The following C11orf65 variants were observed in gnomAD, a reference collection of about 807,000 sequenced individuals.
C11orf65 encodes the protein protein MFI.
C11orf65 carries 38 observed loss-of-function variants against 35.3 expected under a neutral mutation model. The ratio of observed to expected loss-of-function variants is 1.08; its 90% CI spans 0.83 to 1.41. The LOEUF (loss-of-function observed/expected upper bound fraction) is 1.41, where lower values mean the gene tolerates loss of function less well. C11orf65 is among the 40% of genes most tolerant of loss of function. The pLI, the probability that C11orf65 is intolerant of heterozygous loss-of-function variation, is 0.00. For synonymous variants in C11orf65, 105 were observed against 114.4 expected (o/e 0.92, Z 0.53); for missense variants, 370 against 367.1 (o/e 1.01, Z -0.06).
At chr11:108,461,120 G>A (rs2093468990) in intron 2 of C11orf65, among the ~76,000 whole-genome samples, 1 of 152,166 alleles carries the variant, frequency 6.6e-6, no homozygotes, top group Admixed American at 6.6e-5. Context: ...GTATTGAACT[G>A]GCTGGGTGCA....
At chr11:108,437,532 C>A (rs1369939879) in intron 2 of C11orf65, among the ~76,000 whole-genome samples, 1 of 151,368 alleles carries the variant, frequency 6.6e-6, no homozygotes, top group Non-Finnish European at 1.5e-5. Context: ...GGTGAAACCC[C>A]GTCTCTACTA....
At chr11:108,369,978 A>G (rs2091508735) in intron 2 of C11orf65, among the ~76,000 whole-genome samples, 1 of 152,124 alleles carries the variant, frequency 6.6e-6, no homozygotes, top group Admixed American at 6.5e-5. Context: ...GTAACATCTT[A>G]GCTAACATCT....
At position 108,325,532 on chromosome 11, in the gene C11orf65, C is replaced by G. The variant is rs3218699; in HGVS notation, c.641-16461G>C. 1 of 1,601,744 alleles carries G rather than the reference C, an allele frequency of 6.2e-7. No homozygotes were observed. Among genetic ancestry groups the G allele is most frequent in the Non-Finnish European group, 8.5e-7 (1 of 1,170,898 alleles). The stretch of plus-strand genomic sequence containing the variant: ...AACTCTCTATACTGGCCAGAACTTT[C>G]AAGAACACTCAGGTAAATACAATTT... On this transcript the variant is annotated intron_variant, in intron 6 of 6. Coordinates refer to the C11orf65 transcript ENST00000525729.
intron 3 of C11orf65, among the ~76,000 whole-genome samples, chr11:108,423,941 A>G (rs1387756191): frequency 6.6e-6 from 1 of 152,202 alleles, no homozygotes; most frequent in Admixed American, 6.5e-5. Flanking sequence ...GAAAACCACA[A>G]AGATGAGGAA....
Position 108,434,155 on chromosome 11 carries a change from T to C in C11orf65, c.82-2317A>G, listed in dbSNP as rs193091778. ...CTTGGAATCAGTCAGCCTTTCCCCC[T>C]AGCCACTGCTATCCTTGCACTATGT... is the stretch of plus-strand genomic sequence containing the variant. On this transcript the variant is annotated intron_variant, in intron 2 of 8. Transcript: ENST00000393084. Among the ~76,000 whole-genome samples, 69 of 152,212 alleles carry C rather than the reference T, an allele frequency of 4.5e-4. 1 individual carries two copies. Among genetic ancestry groups the C allele is most frequent in the Admixed American group, 2.0e-3 (30 of 15,270 alleles).
intron 2 of C11orf65, chr11:108,353,632 AACT>A: frequency 1.4e-6 from 1 of 722,092 alleles, no homozygotes; most frequent in Non-Finnish European, 2.5e-6. Flanking sequence ...AGCAGAAGTA[AACT>A]ACTGTACATA....
At chr11:108,415,623 G>A (rs769051204) in intron 3 of C11orf65, among the ~76,000 whole-genome samples, 2 of 152,114 alleles carry the variant, frequency 1.3e-5, no homozygotes, top group Middle Eastern at 3.2e-3. Flanking sequence ...TAAATTTTAA[G>A]TGGAAAGGCA....
chr11:108,398,845 G>A (rs1000978275), intron 6 of C11orf65, among the ~76,000 whole-genome samples: 22 of 152,230 alleles, frequency 1.4e-4, no homozygotes, highest in South Asian at 2.1e-4. Context: ...AGGTGTTGTT[G>A]CCAGAAGTAA....
chr11:108,388,669 T>C (rs2092075081), intron 7 of C11orf65, among the ~76,000 whole-genome samples: 1 of 152,246 alleles, frequency 6.6e-6, no homozygotes, highest in Non-Finnish European at 1.5e-5. Context: ...TTAATAGGTA[T>C]GTCAAAATTC....
At chr11:108,392,838 C>G (rs1019746839) in intron 7 of C11orf65, among the ~76,000 whole-genome samples, 1 of 152,130 alleles carries the variant, frequency 6.6e-6, no homozygotes, top group African/African-American at 2.4e-5. Context: ...TCACTGAAAA[C>G]TTATAACATT....
rs899865706 is a variant in C11orf65, at chr11:108,383,071, G to A, written c.892C>T (p.Gln298Ter). Reference protein sequence around the residue: ...PDDTYYENVYQEPNVTRLTPD... With the variant: ...PDDTYYENVY ...GTTAATCTAGTTACATTTGGTTCTT[G>A]ATAAACATTTTCATAGTAAGTATCA... Residue 298 changes from glutamine (Q) to a stop codon, truncating the protein, a stop_gained, in exon 9 of 9, where the codon CAA becomes TAA. Coordinates refer to ENST00000393084, the MANE Select transcript of C11orf65 (RefSeq NM_152587.5). LOFTEE classifies it low-confidence loss of function (END_TRUNC). 5.0e-6 allele frequency: 8 copies of A among 1,611,740 alleles called. No individual in the cohort carries two copies. The highest frequency in any genetic ancestry group is 1.7e-5 in the Admixed American group (1 of 59,516).
intron 6 of C11orf65, 135 bp downstream of exon 6, chr11:108,405,294 T>C (rs1221705805): frequency 1.2e-6 from 1 of 800,044 alleles, no homozygotes; most frequent in Non-Finnish European, 1.9e-6. Flanking sequence ...GTTTTATTCA[T>C]CTGTCGTTTG....
intron 2 of C11orf65, among the ~76,000 whole-genome samples, chr11:108,361,553 C>A (rs964806716): frequency 6.6e-6 from 1 of 152,006 alleles, no homozygotes; most frequent in East Asian, 1.9e-4. Context: ...AACTATACTA[C>A]AAGGCTACAG....
intron 2 of C11orf65, among the ~76,000 whole-genome samples, chr11:108,372,232 C>T (rs976726789): frequency 6.6e-6 from 1 of 152,190 alleles, no homozygotes; most frequent in African/African-American, 2.4e-5. Context: ...CCCGCTCTGT[C>T]GCCCAGGCTG....
At chr11:108,374,395 T>G (rs1275629818) in intron 2 of C11orf65, among the ~76,000 whole-genome samples, 1 of 152,170 alleles carries the variant, frequency 6.6e-6, no homozygotes, top group Non-Finnish European at 1.5e-5. Flanking sequence ...AGTGGACCTC[T>G]AGCAAACTCC....
At chr11:108,442,755 C>T (rs543097628) in intron 2 of C11orf65, among the ~76,000 whole-genome samples, 68 of 152,294 alleles carry the variant, frequency 4.5e-4, no homozygotes, top group African/African-American at 1.4e-3. Flanking sequence ...AAATAAAATA[C>T]TTTACAGACA....
At chr11:108,443,087 A>G (rs1262201684) in intron 2 of C11orf65, among the ~76,000 whole-genome samples, 1 of 152,224 alleles carries the variant, frequency 6.6e-6, no homozygotes, top group African/African-American at 2.4e-5. Context: ...TCATGTGCAG[A>G]GACACACATA....
chr11:108,382,951 A>G lies in C11orf65; in HGVS notation c.*70T>C. The G allele has an allele frequency of 6.3e-7, 1 of 1,589,470 alleles. No individual in the cohort carries two copies. Among genetic ancestry groups the G allele is most frequent in the Non-Finnish European group, 8.5e-7 (1 of 1,173,374 alleles). On this transcript the variant is annotated 3_prime_UTR_variant, in exon 9 of 9. Coordinates refer to ENST00000393084, the MANE Select transcript of C11orf65 (RefSeq NM_152587.5). Reference sequence around the variant, plus strand: ...ACACAAGTTATTCCAGTCAGAATACACTATCTCTTGGCTATAACTGATGGA... The same window carrying G: ...ACACAAGTTATTCCAGTCAGAATACGCTATCTCTTGGCTATAACTGATGGA...
intron 6 of C11orf65, among the ~76,000 whole-genome samples, chr11:108,324,442 TATC>T (rs2085459442): frequency 6.6e-6 from 1 of 152,164 alleles, no homozygotes; most frequent in African/African-American, 2.4e-5. Flanking sequence ...TCTAATATGA[TATC>T]ATATCTAATA....
Sources: allele counts gnomAD v4.1 joint callset (sites outside exome capture counted in the v4.1 genomes callset), GRCh38; gene constraint gnomAD v4.1.1; transcripts MANE v1.5; gene names NCBI Gene and HGNC (gene_info 2026-07-23, HGNC 2026-07-21).